Variants in KCNJ6 observed in about 807,000 individuals in gnomAD.
KCNJ6 encodes G protein-activated inward rectifier potassium channel 2.
A neutral mutation model predicts 34.2 loss-of-function variants in KCNJ6; 9 were observed. The observed-to-expected ratio is 0.26, with a 90% confidence interval of 0.16 to 0.46. The LOEUF (loss-of-function observed/expected upper bound fraction) is 0.46, where lower values mean the gene tolerates loss of function less well. KCNJ6 is among the 20% of genes least tolerant of loss of function. The probability of loss-of-function intolerance (pLI) is 1.00; values close to 1 mark genes in which losing one functional copy is unlikely to be tolerated. For missense variants in KCNJ6, 236 were observed against 531.3 expected (o/e 0.44, Z 5.46); for synonymous variants, 196 against 207.1 (o/e 0.95, Z 0.46).
chr21:37,877,111 T>C (rs1042635382), intron 1 of KCNJ6, among the ~76,000 whole-genome samples: 2 of 152,194 alleles, frequency 1.3e-5, no homozygotes, highest in African/African-American at 4.8e-5. Flanking sequence ...TTGCATGTGC[T>C]ATAGTGAACC....
At position 37,625,287 on chromosome 21, in the gene KCNJ6, T is replaced by C; in HGVS notation, c.1144A>G (p.Ser382Gly). 6.2e-7 allele frequency: 1 copy of C among 1,614,246 alleles called. No individual in the cohort carries two copies. The highest frequency in any genetic ancestry group is 8.5e-7 in the Non-Finnish European group (1 of 1,180,046). The change falls in exon 4 of 4, where the codon AGT (serine) becomes GGT (glycine). Residue 382 changes from serine (S) to glycine (G), a missense_variant. This residue lies in a region of KCNJ6 where 43 missense variants were observed against 52.1 expected (regional missense o/e 0.82). Coordinates refer to ENST00000609713, the MANE Select transcript of KCNJ6 (RefSeq NM_002240.5). ...TTGAGTTTGCTGGATACAGACCAAC[T>C]CAGGGGCAGCTCTGCCCTGCTGGCT... The part of the protein sequence containing the change: ...ELASRAELPL[S>G]WSVSSKLNQH...
chr21:37,696,239 T>C (rs2054663016), intron 3 of KCNJ6, among the ~76,000 whole-genome samples: 1 of 152,224 alleles, frequency 6.6e-6, no homozygotes, highest in Non-Finnish European at 1.5e-5. Flanking sequence ...TCAAAGTAAC[T>C]GCTCTGAGAT....
rs139938545 is a variant in KCNJ6, at chr21:37,759,676, G to A, written c.26-44545C>T. Among the ~76,000 whole-genome samples the A allele has an allele frequency of 6.6e-3, 1,011 of 152,194 alleles. 9 individuals carry two copies. The highest frequency in any genetic ancestry group is 0.023 in the African/African-American group (936 of 41,520). ...CCATAGAACCTTCTCTTCCTTTCCT[G>A]GCATCTATATCATCCTGGAACCATT... is the stretch of plus-strand genomic sequence containing the variant. On this transcript the variant is annotated intron_variant, in intron 2 of 3. Coordinates refer to ENST00000609713, the MANE Select transcript of KCNJ6 (RefSeq NM_002240.5).
chr21:37,878,234 T>C (rs1173984196), intron 1 of KCNJ6, among the ~76,000 whole-genome samples: 2 of 151,862 alleles, frequency 1.3e-5, no homozygotes. Context: ...TAATGTCATA[T>C]CCCATTGTGA....
chr21:37,814,596 A>G (rs1201916555), intron 2 of KCNJ6, among the ~76,000 whole-genome samples: 1 of 152,222 alleles, frequency 6.6e-6, no homozygotes, highest in Non-Finnish European at 1.5e-5. Context: ...AATACTATTC[A>G]GCCATAAAAA....
chr21:37,754,206 C>T (rs988320078), intron 2 of KCNJ6, among the ~76,000 whole-genome samples: 23 of 152,172 alleles, frequency 1.5e-4, no homozygotes, highest in African/African-American at 4.8e-4. Flanking sequence ...GGGGAAGCTG[C>T]ATCCCTGGTA....
chr21:37,657,220 G>C (rs561348002), intron 3 of KCNJ6, among the ~76,000 whole-genome samples: 1 of 152,310 alleles, frequency 6.6e-6, no homozygotes, highest in Admixed American at 6.5e-5. Context: ...GTGCTGGCTA[G>C]AGTCATGGAA....
chr21:37,857,250 A>C lies in KCNJ6; in HGVS notation c.-27-16541T>G, dbSNP rs150486992. 6.1e-4 allele frequency among the ~76,000 whole-genome samples: 93 copies of C among 152,286 alleles called. No homozygotes were observed. In the East Asian group the frequency reaches 0.017, roughly 28 times the overall value. Reference sequence around the variant, plus strand: ...GGAGGGCTATTGTTACATGCAGCAGAAATTGGGCCAGGATAAAGGTGGTGA... The same window carrying C: ...GGAGGGCTATTGTTACATGCAGCAGCAATTGGGCCAGGATAAAGGTGGTGA... On this transcript the variant is annotated intron_variant, in intron 1 of 3. Transcript: ENST00000609713.
rs143137803 is a variant in KCNJ6, at chr21:37,785,827, G to A, written c.25+54831C>T. Among the ~76,000 whole-genome samples, 225 of 152,332 alleles carry A rather than the reference G, an allele frequency of 1.5e-3. 1 individual carries two copies. Among genetic ancestry groups the A allele is most frequent in the Non-Finnish European group, 2.5e-3 (172 of 68,028 alleles). On this transcript the variant is annotated intron_variant, in intron 2 of 3. Transcript: ENST00000609713. The stretch of plus-strand genomic sequence containing the variant: ...AGAGCCAGAGATTATTGGATCATGA[G>A]ATTGGAGCCTAATGAATGAGATTAG...
rs1295458660 is a variant in KCNJ6, at chr21:37,905,388, G to A, written c.-28+10496C>T. ...CTCATGTACCATGCCGATGCGTGGCGCTCTGATTTCCATGGTGTGGTAGAC... is the reference window on the plus strand; with the variant it reads ...CTCATGTACCATGCCGATGCGTGGCACTCTGATTTCCATGGTGTGGTAGAC... On this transcript the variant is annotated intron_variant, in intron 1 of 3. Transcript: ENST00000609713. 3.9e-5 allele frequency among the ~76,000 whole-genome samples: 6 copies of A among 152,102 alleles called. No individual in the cohort carries two copies. In the South Asian group the frequency reaches 1.2e-3, roughly 31 times the overall value.
intron 3 of KCNJ6, among the ~76,000 whole-genome samples, chr21:37,658,598 A>T (rs2054474888): frequency 6.6e-6 from 1 of 152,150 alleles, no homozygotes; most frequent in African/African-American, 2.4e-5. Flanking sequence ...ATAGATGAAA[A>T]GAGAAAATAT....
At chr21:37,873,292 G>A (rs962115189) in intron 1 of KCNJ6, among the ~76,000 whole-genome samples, 2 of 152,200 alleles carry the variant, frequency 1.3e-5, no homozygotes, top group Admixed American at 6.5e-5. Context: ...TGCCAAGCAC[G>A]TTACGCGAAT....
rs377151856 is a variant in KCNJ6 at position 37,854,541 on chromosome 21, T to C, written c.-27-13832A>G. On this transcript the variant is annotated intron_variant, in intron 1 of 3. Coordinates refer to ENST00000609713, the MANE Select transcript of KCNJ6 (RefSeq NM_002240.5). ...GTTGGTTAGTGTATACAAAAATACATTTAGATAGAAAGAATAAGCTCCATT... is the reference window on the plus strand; with the variant it reads ...GTTGGTTAGTGTATACAAAAATACACTTAGATAGAAAGAATAAGCTCCATT... 2.0e-5 allele frequency among the ~76,000 whole-genome samples: 3 copies of C among 152,258 alleles called. No individual in the cohort carries two copies. In the South Asian group the frequency reaches 6.2e-4, roughly 32 times the overall value.
intron 3 of KCNJ6, among the ~76,000 whole-genome samples, chr21:37,689,967 G>A (rs8128541): frequency 3.3e-5 from 5 of 152,140 alleles, no homozygotes; most frequent in African/African-American, 4.8e-5. Flanking sequence ...TCCTGCATTC[G>A]TAGGGAATTT....
chr21:37,877,156 C>T (rs902858123), intron 1 of KCNJ6, among the ~76,000 whole-genome samples: 11 of 152,160 alleles, frequency 7.2e-5, no homozygotes, highest in African/African-American at 2.2e-4. Flanking sequence ...AAGGCAAACC[C>T]ACCAACGCCT....
intron 1 of KCNJ6, among the ~76,000 whole-genome samples, chr21:37,882,897 G>A (rs191397851): frequency 2.8e-4 from 42 of 152,352 alleles, no homozygotes; most frequent in Admixed American, 1.9e-3. Context: ...TTGTGTGTGC[G>A]TGAGTGTGTT....
chr21:37,693,262 T>C (rs1026631772), intron 3 of KCNJ6, among the ~76,000 whole-genome samples: 6 of 164 alleles, frequency 0.037, no homozygotes, highest in African/African-American at 0.11. Flanking sequence ...TCTCGTTCAA[T>C]GCCCACATAA....
At chr21:37,882,237 G>A (rs8129919) in intron 1 of KCNJ6, among the ~76,000 whole-genome samples, 78,932 of 151,980 alleles carry the variant, frequency 0.52, 21,131 homozygotes, top group African/African-American at 0.65. Context: ...GAGCAGGAGG[G>A]GGTTGTAGCC....
intron 3 of KCNJ6, among the ~76,000 whole-genome samples, chr21:37,626,952 T>C (rs915557724): frequency 6.6e-5 from 10 of 152,194 alleles, no homozygotes; most frequent in Non-Finnish European, 1.5e-5. Context: ...TATAATACTG[T>C]GGCCCTGTGT....
Sources: gnomAD v4.1 joint callset for allele counts (sites outside exome capture counted in the v4.1 genomes callset) on GRCh38, gnomAD v4.1.1 for gene constraint, gnomAD v4.1.1 regional missense constraint, MANE v1.5 for transcripts, NCBI Gene and HGNC (gene_info 2026-07-23, HGNC 2026-07-21) for gene names.